The following PCDHGA4 variants were observed in gnomAD, a reference collection of about 807,000 sequenced individuals.
PCDHGA4 encodes the protein protocadherin gamma subfamily A, 4.
A neutral mutation model predicts 54.6 loss-of-function variants in PCDHGA4; 38 were observed. The observed-to-expected ratio is 0.70, with a 90% confidence interval of 0.54 to 0.91. The LOEUF is 0.91. Among genes scored for constraint, PCDHGA4 ranks in the 40% least tolerant of loss-of-function variants. The pLI is 0.00. For missense variants in PCDHGA4, 1,298 were observed against 1,220.9 expected (o/e 1.06, Z -0.94); for synonymous variants, 511 against 512.9 (o/e 1.00, Z 0.05).
chr5:141,495,424 A>C (rs927637242), intron 2 of PCDHGA4, among the ~76,000 whole-genome samples: 1 of 152,088 alleles, frequency 6.6e-6, no homozygotes, highest in African/African-American at 2.4e-5. Context: ...CCCTCCTCCC[A>C]CTGTCCTCTG....
intron 1 of PCDHGA4, chr5:141,395,102 G>C: frequency 6.2e-7 from 1 of 1,614,172 alleles, no homozygotes; most frequent in Non-Finnish European, 8.5e-7. Flanking sequence ...CCGCCGACTC[G>C]CGGAAGAGTC....
chr5:141,485,714 G>C lies in PCDHGA4; in HGVS notation c.2515-9093G>C, dbSNP rs896709540. 6.2e-7 allele frequency: 1 copy of C among 1,614,064 alleles called. No homozygotes were observed. Among genetic ancestry groups the C allele is most frequent in the Non-Finnish European group, 8.5e-7 (1 of 1,180,050 alleles). On this transcript the variant is annotated intron_variant, in intron 1 of 3. Coordinates refer to ENST00000571252, the MANE Select transcript of PCDHGA4 (RefSeq NM_018917.4). The surrounding 1 kb of genome is among the most constrained non-coding windows in gnomAD (Gnocchi z 5.7). The stretch of plus-strand genomic sequence containing the variant: ...GAGCTCCAATGAACACTTTGCACTG[G>C]ATGTGAAGAAGCGCAGCGACGGCAG...
chr5:141,492,360 G>A (rs2099739696), intron 1 of PCDHGA4, among the ~76,000 whole-genome samples: 1 of 152,190 alleles, frequency 6.6e-6, no homozygotes, highest in African/African-American at 2.4e-5. Context: ...CCACTCGCTC[G>A]CGGCCAGATT....
At chr5:141,452,954 T>A (rs1315313825) in intron 1 of PCDHGA4, among the ~76,000 whole-genome samples, 5 of 152,220 alleles carry the variant, frequency 3.3e-5, no homozygotes, top group Non-Finnish European at 1.5e-5. Context: ...ATTGGTTGTC[T>A]TTAAACTGAG....
chr5:141,444,013 C>T (rs1226458485), intron 1 of PCDHGA4, among the ~76,000 whole-genome samples: 2 of 152,060 alleles, frequency 1.3e-5, no homozygotes, highest in Admixed American at 6.6e-5. Flanking sequence ...TGGGTATTGG[C>T]TTCTAAAAGG....
chr5:141,422,719 CA>C (rs2096667277), intron 1 of PCDHGA4: 1 of 1,604,786 alleles, frequency 6.2e-7, no homozygotes, highest in Admixed American at 1.7e-5. Flanking sequence ...TGACACTGTC[CA>C]GGGGGTGCCT....
intron 1 of PCDHGA4, chr5:141,400,076 T>A: frequency 6.2e-7 from 1 of 1,613,932 alleles, no homozygotes; most frequent in Non-Finnish European, 8.5e-7. Context: ...CAGCCGCCAC[T>A]CTCCGCCACC....
chr5:141,394,488 G>A (rs753312224), intron 1 of PCDHGA4: 5 of 1,614,196 alleles, frequency 3.1e-6, no homozygotes, highest in South Asian at 2.2e-5. Flanking sequence ...GAATGACAAC[G>A]CGCCCGAGAT....
chr5:141,415,461 T>G, intron 1 of PCDHGA4: 1 of 1,614,180 alleles, frequency 6.2e-7, no homozygotes, highest in African/African-American at 1.3e-5. Flanking sequence ...ACGAGGTCTC[T>G]CTCACCGCGG....
intron 1 of PCDHGA4, chr5:141,393,501 G>A (rs754946327): frequency 1.2e-6 from 2 of 1,614,044 alleles, no homozygotes; most frequent in Non-Finnish European, 1.7e-6. Flanking sequence ...GCGCATCCAC[G>A]TGACAGTGTT....
intron 1 of PCDHGA4, chr5:141,419,472 G>A (rs1392935171): frequency 6.2e-7 from 1 of 1,612,330 alleles, no homozygotes; most frequent in Non-Finnish European, 8.5e-7. Flanking sequence ...CGCGACCAGG[G>A]CTCGCCCGCG....
At chr5:141,510,658 A>G (rs1162885805) in intron 3 of PCDHGA4, among the ~76,000 whole-genome samples, 1 of 152,178 alleles carries the variant, frequency 6.6e-6, no homozygotes, top group African/African-American at 2.4e-5. Context: ...CATTTTGCAG[A>G]TGAGAAAACT....
At chr5:141,465,747 A>G (rs2099108470) in intron 1 of PCDHGA4, among the ~76,000 whole-genome samples, 2 of 151,126 alleles carry the variant, frequency 1.3e-5, no homozygotes, top group African/African-American at 4.9e-5. Flanking sequence ...TCAGGATCAG[A>G]CTGGTAAAGT....
At chr5:141,362,524 G>A (rs748249722) in intron 1 of PCDHGA4, 1 of 1,613,964 alleles carries the variant, frequency 6.2e-7, no homozygotes, top group Non-Finnish European at 8.5e-7. Context: ...TGGAGCCGCT[G>A]GGGTCCCTTT....
At chr5:141,430,918 G>T (rs766412276) in intron 1 of PCDHGA4, 2 of 1,607,866 alleles carry the variant, frequency 1.2e-6, no homozygotes, top group South Asian at 2.2e-5. Context: ...GGGACCTGGG[G>T]CTGGAGCCCC....
chr5:141,405,446 G>A, intron 1 of PCDHGA4: 1 of 1,338,140 alleles, frequency 7.5e-7, no homozygotes, highest in Non-Finnish European at 1.0e-6. Flanking sequence ...TTGAGACAGA[G>A]TCTTACTCTG....
At chr5:141,383,501 A>G in intron 1 of PCDHGA4, 1 of 1,612,940 alleles carries the variant, frequency 6.2e-7, no homozygotes. Context: ...CGGGTGCTGG[A>G]CCGGGAGGAA....
chr5:141,414,710 A>C (rs1253697066), intron 1 of PCDHGA4: 4 of 1,613,836 alleles, frequency 2.5e-6, no homozygotes, highest in African/African-American at 1.3e-5. Flanking sequence ...ATATCCATCA[A>C]CTCAGACACT....
At position 141,491,049 on chromosome 5, in the gene PCDHGA4, G is replaced by C; in HGVS notation, c.2515-3758G>C. The C allele has an allele frequency of 1.2e-6, 2 of 1,614,116 alleles. No homozygotes were observed. Among genetic ancestry groups the C allele is most frequent in the Admixed American group, 3.3e-5 (2 of 60,024 alleles). On this transcript the variant is annotated intron_variant, in intron 1 of 3. Transcript: ENST00000571252. This position sits in a 1 kb window ranked among gnomAD's most constrained non-coding sequence, Gnocchi z 6.9. ...TGGATGCTGATGCAGGCCACAATGC[G>C]TGGCTCTCCTACTCACTGTTGCCAC...
Sources: gnomAD v4.1 joint callset for allele counts (sites outside exome capture counted in the v4.1 genomes callset) on GRCh38, gnomAD v4.1.1 for gene constraint, Gnocchi (gnomAD v3.1) non-coding constraint, MANE v1.5 for transcripts, NCBI Gene and HGNC (gene_info 2026-07-23, HGNC 2026-07-21) for gene names.